The following LRRC20 variants were observed in gnomAD, a reference collection of about 807,000 sequenced individuals.
LRRC20 encodes the protein leucine-rich repeat-containing protein 20.
A neutral mutation model predicts 14.4 loss-of-function variants in LRRC20; 11 were observed. That is an observed-to-expected ratio of 0.77 (90% CI 0.48 to 1.27). LRRC20 has a LOEUF of 1.27. LRRC20 is among the 50% of genes most tolerant of loss of function. LRRC20 has a pLI of 0.00. For synonymous variants in LRRC20, 121 were observed against 107.3 expected (o/e 1.13, Z -0.79); for missense variants, 219 against 251.2 (o/e 0.87, Z 0.87).
intron 2 of LRRC20, among the ~76,000 whole-genome samples, chr10:70,373,432 G>C (rs571737353): frequency 7.9e-5 from 12 of 152,078 alleles, no homozygotes; most frequent in Non-Finnish European, 1.6e-4. Flanking sequence ...CACATTCCTG[G>C]GAGCCCCCAA....
At chr10:70,326,123 G>A (rs969318217) in intron 3 of LRRC20, among the ~76,000 whole-genome samples, 1 of 152,088 alleles carries the variant, frequency 6.6e-6, no homozygotes, top group East Asian at 1.9e-4. Flanking sequence ...CCTAATTTCT[G>A]GAGTCATTTC....
At chr10:70,357,729 C>T (rs1215470990) in intron 2 of LRRC20, among the ~76,000 whole-genome samples, 2 of 152,154 alleles carry the variant, frequency 1.3e-5, no homozygotes, top group Non-Finnish European at 2.9e-5. Flanking sequence ...AAAGTAAATC[C>T]CACACAGAAT....
intron 2 of LRRC20, among the ~76,000 whole-genome samples, chr10:70,361,438 A>T (rs553148553): frequency 4.2e-4 from 64 of 152,324 alleles, no homozygotes; most frequent in African/African-American, 1.5e-3. Flanking sequence ...AAAACGGTAT[A>T]ATGGGAGAGC....
chr10:70,351,038 A>G (rs1372063555), intron 2 of LRRC20, among the ~76,000 whole-genome samples: 1 of 152,082 alleles, frequency 6.6e-6, no homozygotes, highest in Non-Finnish European at 1.5e-5. Flanking sequence ...AAAATTAGCC[A>G]GTCATGGTGG....
chr10:70,357,250 G>A lies in LRRC20; in HGVS notation c.83-16548C>T, dbSNP rs1281990842. On this transcript the variant is annotated intron_variant, in intron 2 of 4. Transcript: ENST00000446961. ...CCGCATGGTACAGGGTTTCTTTTTT[G>A]GGTGATGAAAATGGCTTAGAATTAG... 7.2e-5 allele frequency among the ~76,000 whole-genome samples: 11 copies of A among 152,162 alleles called. 1 individual carries two copies. In the East Asian group the frequency reaches 2.1e-3, roughly 29 times the overall value.
At chr10:70,368,652 G>C (rs1239240678) in intron 2 of LRRC20, among the ~76,000 whole-genome samples, 1 of 151,468 alleles carries the variant, frequency 6.6e-6, no homozygotes, top group Non-Finnish European at 1.5e-5. Context: ...ACTGAGTCTT[G>C]CTCTGTCACC....
intron 2 of LRRC20, among the ~76,000 whole-genome samples, chr10:70,367,561 C>T (rs888344454): frequency 1.6e-4 from 24 of 152,174 alleles, no homozygotes; most frequent in African/African-American, 5.3e-4. Flanking sequence ...ATGGATGAAT[C>T]GCAAACACGT....
chr10:70,360,861 A>G (rs868005770), intron 2 of LRRC20, among the ~76,000 whole-genome samples: 1 of 152,146 alleles, frequency 6.6e-6, no homozygotes, highest in African/African-American at 2.4e-5. Context: ...GGCAGAAATT[A>G]GGTCCCACTG....
At chr10:70,362,562 C>T (rs1037476722) in intron 2 of LRRC20, among the ~76,000 whole-genome samples, 1 of 152,252 alleles carries the variant, frequency 6.6e-6, no homozygotes, top group Non-Finnish European at 1.5e-5. Flanking sequence ...AGGACCAGAA[C>T]CCCAGCTTCC....
At chr10:70,350,152 CAG>C (rs1843245775) in intron 2 of LRRC20, among the ~76,000 whole-genome samples, 1 of 149,190 alleles carries the variant, frequency 6.7e-6, no homozygotes, top group South Asian at 2.1e-4. Flanking sequence ...CAGACCCCGA[CAG>C]GGGTCAGGAA....
At chr10:70,337,077 G>T (rs1052028966) in intron 3 of LRRC20, among the ~76,000 whole-genome samples, 5 of 152,166 alleles carry the variant, frequency 3.3e-5, no homozygotes, top group African/African-American at 1.2e-4. Context: ...CCCTGCCAGG[G>T]CCTTGGGCCT....
At chr10:70,316,130 TTTTA>T (rs1358098496) in intron 4 of LRRC20, among the ~76,000 whole-genome samples, 2 of 152,098 alleles carry the variant, frequency 1.3e-5, no homozygotes, top group African/African-American at 4.8e-5. Context: ...TTTAATTTAA[TTTTA>T]TTTATTTTTT....
At chr10:70,355,434 G>A (rs926360923) in intron 2 of LRRC20, among the ~76,000 whole-genome samples, 3 of 152,126 alleles carry the variant, frequency 2.0e-5, no homozygotes, top group Non-Finnish European at 4.4e-5. Context: ...GGCATGGGAG[G>A]AAGAGCTCAC....
At chr10:70,374,115 G>C (rs1309331760) in intron 2 of LRRC20, among the ~76,000 whole-genome samples, 1 of 152,188 alleles carries the variant, frequency 6.6e-6, no homozygotes, top group Non-Finnish European at 1.5e-5. Flanking sequence ...ACCTGCCCCA[G>C]TGCTGCTGTG....
At chr10:70,363,242 G>A (rs1480475225) in intron 2 of LRRC20, among the ~76,000 whole-genome samples, 1 of 151,450 alleles carries the variant, frequency 6.6e-6, no homozygotes, top group African/African-American at 2.4e-5. Flanking sequence ...GGCAAAGGGA[G>A]GGAAGGGTGG....
chr10:70,356,089 T>C (rs1843506877), intron 2 of LRRC20, among the ~76,000 whole-genome samples: 1 of 152,232 alleles, frequency 6.6e-6, no homozygotes, highest in Non-Finnish European at 1.5e-5. Context: ...GAAAGCAATA[T>C]CTTCTTCTCA....
At chr10:70,341,073 T>C (rs1842898049) in intron 2 of LRRC20, among the ~76,000 whole-genome samples, 1 of 152,234 alleles carries the variant, frequency 6.6e-6, no homozygotes, top group Non-Finnish European at 1.5e-5. Flanking sequence ...ACAGCGCAGA[T>C]GCAGTCTAAA....
intron 3 of LRRC20, among the ~76,000 whole-genome samples, chr10:70,327,579 T>TAA (rs60686183): frequency 4.1e-5 from 6 of 144,842 alleles, no homozygotes; most frequent in Non-Finnish European, 7.6e-5. Flanking sequence ...AGACTCTATC[T>TAA]AAAAAAAAAA....
At position 70,353,832 on chromosome 10, in the gene LRRC20, A is replaced by G. The variant is rs114317453; in HGVS notation, c.83-13130T>C. On this transcript the variant is annotated intron_variant, in intron 2 of 4. Transcript: ENST00000446961. The stretch of plus-strand genomic sequence containing the variant: ...ATTCAGGACAGCCTGCCATGCTGAA[A>G]CAGATTGGGAGGTGGTGGGTTTCCA... 9.3e-3 allele frequency among the ~76,000 whole-genome samples: 1,415 copies of G among 152,254 alleles called. 21 individuals are homozygous for G. The highest frequency in any genetic ancestry group is 0.032 in the African/African-American group (1,320 of 41,542).
Sources: gnomAD v4.1 joint callset for allele counts (sites outside exome capture counted in the v4.1 genomes callset) on GRCh38, gnomAD v4.1.1 for gene constraint, MANE v1.5 for transcripts, NCBI Gene and HGNC (gene_info 2026-07-23, HGNC 2026-07-21) for gene names.